The following RMDN2 variants were observed in gnomAD, a reference collection of about 807,000 sequenced individuals.
RMDN2 encodes the protein regulator of microtubule dynamics 2.
Under a neutral mutation model 52.8 loss-of-function variants are expected in RMDN2, and 61 were observed. The observed-to-expected ratio is 1.16, with a 90% CI of 0.94 to 1.43. The LOEUF (loss-of-function observed/expected upper bound fraction) is 1.43. RMDN2 is among the 40% of genes most tolerant of loss of function. RMDN2 has a pLI of 0.00. For synonymous variants in RMDN2, 180 were observed against 153.1 expected (o/e 1.18, Z -1.30); for missense variants, 592 against 475.3 (o/e 1.25, Z -2.28).
intron 2 of RMDN2, among the ~76,000 whole-genome samples, chr2:37,936,635 A>G (rs1335994680): frequency 1.3e-5 from 2 of 152,196 alleles, no homozygotes; most frequent in East Asian, 3.8e-4. Flanking sequence ...GCACTTCTCC[A>G]ATGAACAGTG....
At chr2:38,020,482 C>T (rs1350938412), downstream of RMDN2, among the ~76,000 whole-genome samples, 3 of 152,216 alleles carry the variant, frequency 2.0e-5, no homozygotes, top group African/African-American at 4.8e-5. Flanking sequence ...AGGCCGGAGC[C>T]GGCTCCCTCA....
At chr2:38,018,144 T>C (rs1679052264), downstream of RMDN2, among the ~76,000 whole-genome samples, 1 of 152,200 alleles carries the variant, frequency 6.6e-6, no homozygotes, top group African/African-American at 2.4e-5. Flanking sequence ...CCTGGACGTA[T>C]AATGCAGGTC....
At chr2:38,063,798 T>C (rs1187633437) in intron 10 of RMDN2, among the ~76,000 whole-genome samples, 1 of 152,248 alleles carries the variant, frequency 6.6e-6, no homozygotes, top group African/African-American at 2.4e-5. Flanking sequence ...AAGCAATGTA[T>C]GAAAGTTCCA....
At chr2:38,023,845 G>A (rs1679570276) in intron 10 of RMDN2, among the ~76,000 whole-genome samples, 1 of 151,622 alleles carries the variant, frequency 6.6e-6, no homozygotes. Flanking sequence ...TATAAATTTT[G>A]ACGTGTACAC....
intron 10 of RMDN2, among the ~76,000 whole-genome samples, chr2:38,054,285 A>G (rs893951365): frequency 3.9e-5 from 6 of 152,368 alleles, no homozygotes; most frequent in African/African-American, 1.4e-4. Context: ...GTACTGATGA[A>G]CACAAAAAAG....
At chr2:38,057,700 C>G (rs946244552) in intron 10 of RMDN2, among the ~76,000 whole-genome samples, 6 of 152,134 alleles carry the variant, frequency 3.9e-5, no homozygotes, top group Non-Finnish European at 8.8e-5. Flanking sequence ...GGGCAGAGTT[C>G]TCATGAATGG....
chr2:37,984,525 G>A (rs1375765633), intron 5 of RMDN2, among the ~76,000 whole-genome samples: 1 of 152,120 alleles, frequency 6.6e-6, no homozygotes, highest in Non-Finnish European at 1.5e-5. Context: ...TACAACAAGT[G>A]GAAAAACAGA....
chr2:37,991,993 A>T (rs1674866707), intron 7 of RMDN2, among the ~76,000 whole-genome samples: 1 of 152,220 alleles, frequency 6.6e-6, no homozygotes, highest in African/African-American at 2.4e-5. Context: ...CAAAGAGATA[A>T]CTTCTTCATT....
intron 10 of RMDN2, among the ~76,000 whole-genome samples, chr2:38,043,277 T>A (rs532234241): frequency 6.6e-6 from 1 of 152,274 alleles, no homozygotes; most frequent in Non-Finnish European, 1.5e-5. Context: ...TTTTTCTTAG[T>A]CTCAAATCTG....
chr2:38,027,785 G>A (rs972177245), intron 10 of RMDN2, among the ~76,000 whole-genome samples: 7 of 152,118 alleles, frequency 4.6e-5, no homozygotes, highest in Non-Finnish European at 8.8e-5. Flanking sequence ...ACCTAATTGG[G>A]AAAATAATCT....
At chr2:37,989,274 C>A (rs1340420001) in intron 5 of RMDN2, among the ~76,000 whole-genome samples, 1 of 152,070 alleles carries the variant, frequency 6.6e-6, no homozygotes, top group Non-Finnish European at 1.5e-5. Context: ...ATGTCCTGGT[C>A]ACTGTTCTAA....
chr2:37,940,077 G>A (rs1321568862), intron 2 of RMDN2, among the ~76,000 whole-genome samples: 1 of 152,150 alleles, frequency 6.6e-6, no homozygotes, highest in Non-Finnish European at 1.5e-5. Context: ...GGCAGGCCTG[G>A]TGGTGACAAA....
upstream of RMDN2, among the ~76,000 whole-genome samples, chr2:37,922,655 G>C (rs1335060336): frequency 2.0e-5 from 3 of 152,230 alleles, no homozygotes; most frequent in South Asian, 4.1e-4. Flanking sequence ...GTGTACACCA[G>C]AGAGGTTTGC....
At chr2:37,961,386 C>A (rs1369806107) in intron 2 of RMDN2, among the ~76,000 whole-genome samples, 2 of 151,788 alleles carry the variant, frequency 1.3e-5, no homozygotes, top group Non-Finnish European at 2.9e-5. Context: ...TTTGTTTGTT[C>A]CTTTGCATTC....
intron 4 of RMDN2, among the ~76,000 whole-genome samples, chr2:37,979,833 G>A (rs1673070829): frequency 6.6e-6 from 1 of 152,042 alleles, no homozygotes; most frequent in Non-Finnish European, 1.5e-5. Context: ...TATTCATTTG[G>A]TAATGTAGCT....
At chr2:37,967,638 C>T (rs151120588) in intron 2 of RMDN2, among the ~76,000 whole-genome samples, 1 of 152,300 alleles carries the variant, frequency 6.6e-6, no homozygotes, top group African/African-American at 2.4e-5. Flanking sequence ...TAGGAAAATT[C>T]TGGGGAAAGC....
chr2:38,061,239 G>A lies in RMDN2; in HGVS notation c.1714-5743G>A, dbSNP rs548307018. Among the ~76,000 whole-genome samples the A allele has an allele frequency of 5.3e-5, 8 of 152,092 alleles. No individual in the cohort carries two copies. In the South Asian group the frequency reaches 1.7e-3, roughly 32 times the overall value. ...ATCCTCCCCATGTGAAGGAAATGCAGGCACTGAGTTATCAGATTTGCTTCA... is the reference window on the plus strand; with the variant it reads ...ATCCTCCCCATGTGAAGGAAATGCAAGCACTGAGTTATCAGATTTGCTTCA... On this transcript the variant is annotated intron_variant, in intron 10 of 10. Coordinates refer to the RMDN2 transcript ENST00000234195.
upstream of RMDN2, among the ~76,000 whole-genome samples, chr2:37,925,032 C>G (rs571687203): frequency 3.9e-5 from 6 of 152,278 alleles, no homozygotes; most frequent in Non-Finnish European, 8.8e-5. Flanking sequence ...GTGGCAGCAA[C>G]GCGAGAGGGA....
chr2:37,946,232 C>A (rs937837297), intron 2 of RMDN2, among the ~76,000 whole-genome samples: 1 of 151,866 alleles, frequency 6.6e-6, no homozygotes, highest in Non-Finnish European at 1.5e-5. Context: ...AAAGTAGATA[C>A]CTTTGTGGGT....
Sources: gnomAD v4.1 joint callset for allele counts (sites outside exome capture counted in the v4.1 genomes callset) on GRCh38, gnomAD v4.1.1 for gene constraint, MANE v1.5 for transcripts, NCBI Gene and HGNC (gene_info 2026-07-23, HGNC 2026-07-21) for gene names.